GRIP1: variants seen among roughly 807,000 people sequenced by gnomAD.
GRIP1 encodes glutamate receptor-interacting protein 1.
GRIP1 carries 45 observed loss-of-function variants against 129.9 expected under a neutral mutation model. That is an observed-to-expected ratio of 0.35 (90% CI 0.27 to 0.44). The LOEUF (loss-of-function observed/expected upper bound fraction) is 0.44. Among genes scored for constraint, GRIP1 ranks in the 20% least tolerant of loss-of-function variants. GRIP1 has a pLI of 1.00. For synonymous variants in GRIP1, 530 were observed against 520.8 expected (o/e 1.02, Z -0.24); for missense variants, 1,196 against 1,396.8 (o/e 0.86, Z 2.29).
intron 2 of GRIP1, among the ~76,000 whole-genome samples, chr12:66,584,550 GAAAT>G (rs1274011626): frequency 1.3e-5 from 2 of 152,024 alleles, no homozygotes; most frequent in Non-Finnish European, 2.9e-5. Flanking sequence ...GCCAGCTGGG[GAAAT>G]AAATAAAATA....
intron 1 of GRIP1, among the ~76,000 whole-genome samples, chr12:66,785,787 A>C (rs1183090718): frequency 6.6e-6 from 1 of 152,154 alleles, no homozygotes; most frequent in Non-Finnish European, 1.5e-5. Context: ...AGTAACCTTT[A>C]AAAGGAAAGC....
Position 66,996,465 on chromosome 12 carries a change from C to G in GRIP1, c.58+72585G>C, listed in dbSNP as rs1350738494. 3.9e-5 allele frequency among the ~76,000 whole-genome samples: 6 copies of G among 152,182 alleles called. No individual in the cohort carries two copies. The East Asian group carries it at 1.2e-3, about 29-fold the overall frequency. ...AGCAGAACTGAGACACTCTGACTGT[C>G]TCCATTGCCTAAGGGCCTTGGAGTC... On this transcript the variant is annotated intron_variant, in intron 1 of 1. Coordinates refer to the GRIP1 transcript ENST00000643019.
intron 15 of GRIP1, among the ~76,000 whole-genome samples, chr12:66,414,097 G>C (rs1027103199): frequency 6.6e-6 from 1 of 152,002 alleles, no homozygotes; most frequent in South Asian, 2.1e-4. Flanking sequence ...GTTCTGACCA[G>C]GGCAATCAGG....
At chr12:66,651,899 T>C (rs576289793) in intron 1 of GRIP1, among the ~76,000 whole-genome samples, 24 of 152,268 alleles carry the variant, frequency 1.6e-4, no homozygotes, top group African/African-American at 5.3e-4. Context: ...CAGATCCATT[T>C]CCTACCATAA....
intron 1 of GRIP1, among the ~76,000 whole-genome samples, chr12:66,693,366 G>GC (rs2035043885): frequency 2.0e-5 from 3 of 152,100 alleles, no homozygotes; most frequent in Admixed American, 1.3e-4. Context: ...TTCACATTGG[G>GC]CCTGCATTCC....
rs74100506 is a variant in GRIP1, at chr12:66,572,703, G to A, written c.136+24144C>T. Reference sequence around the variant, plus strand: ...ATTTCCATTTGGTTTTCTTTGCTACGTGTCTACAGTCTCCACCCAGTAATG... The same window carrying A: ...ATTTCCATTTGGTTTTCTTTGCTACATGTCTACAGTCTCCACCCAGTAATG... On this transcript the variant is annotated intron_variant, in intron 2 of 24. Transcript: ENST00000359742. 9.9e-3 allele frequency among the ~76,000 whole-genome samples: 1,506 copies of A among 152,256 alleles called. 27 individuals carry two copies. Among genetic ancestry groups the A allele is most frequent in the African/African-American group, 0.033 (1,355 of 41,534 alleles).
chr12:66,565,976 C>T (rs2062741839), intron 2 of GRIP1, among the ~76,000 whole-genome samples: 1 of 152,116 alleles, frequency 6.6e-6, no homozygotes, highest in African/African-American at 2.4e-5. Flanking sequence ...GATTTTGTAT[C>T]CTGAGACTTT....
chr12:66,549,874 T>G (rs1421990589), intron 2 of GRIP1, among the ~76,000 whole-genome samples: 2 of 147,964 alleles, frequency 1.4e-5, no homozygotes, highest in South Asian at 4.1e-4. Flanking sequence ...AATATCTGTA[T>G]GTTTCCTATT....
chr12:67,001,168 T>C (rs1259824854), intron 1 of GRIP1, among the ~76,000 whole-genome samples: 2 of 152,208 alleles, frequency 1.3e-5, no homozygotes, highest in Non-Finnish European at 2.9e-5. Flanking sequence ...CTAGCTCTGG[T>C]CCTACCAGAT....
chr12:66,471,443 G>A (rs183196033), intron 7 of GRIP1, among the ~76,000 whole-genome samples: 1 of 152,310 alleles, frequency 6.6e-6, no homozygotes, highest in African/African-American at 2.4e-5. Flanking sequence ...TGATAAAAAT[G>A]TGCTGGAGTT....
In GRIP1 at chr12:66,545,135, A is replaced by T. The variant is rs148728125; in HGVS notation, c.137-3185T>A. 3.4e-3 allele frequency among the ~76,000 whole-genome samples: 516 copies of T among 152,258 alleles called. 4 individuals carry two copies. The highest frequency in any genetic ancestry group is 0.011 in the African/African-American group (462 of 41,554). On this transcript the variant is annotated intron_variant, in intron 2 of 24. Transcript: ENST00000359742. ...CTAGTGAGGAAGGAAATGGTTCTGAATTTGACTTTTTCCTTAATCACCATA... is the reference window on the plus strand; with the variant it reads ...CTAGTGAGGAAGGAAATGGTTCTGATTTTGACTTTTTCCTTAATCACCATA...
At chr12:66,872,428 C>T (rs1021460906) in intron 1 of GRIP1, among the ~76,000 whole-genome samples, 5 of 152,018 alleles carry the variant, frequency 3.3e-5, no homozygotes, top group African/African-American at 1.2e-4. Context: ...AATTCCAACC[C>T]TCCCTGACAA....
rs1405442842 is a variant in GRIP1, at chr12:66,583,540, T to C, written c.136+13307A>G. Among the ~76,000 whole-genome samples the C allele has an allele frequency of 3.7e-4, 47 of 128,144 alleles. 3 individuals are homozygous for C. The highest frequency in any genetic ancestry group is 1.2e-4 in the Non-Finnish European group (7 of 59,256). 84.1% of individuals were successfully genotyped at this position (128,144 alleles called of 152,430 possible). A position where few individuals can be genotyped will look rare whatever the true frequency, so the allele number is the denominator to read the frequency against. On this transcript the variant is annotated intron_variant, in intron 2 of 24. Coordinates refer to ENST00000359742, the MANE Select transcript of GRIP1 (RefSeq NM_001366722.1). ...AAGGGCTAATATCCAGAATCTACAATGAACTCAAACCAATTTACAAGAAAA... is the reference window on the plus strand; with the variant it reads ...AAGGGCTAATATCCAGAATCTACAACGAACTCAAACCAATTTACAAGAAAA...
chr12:66,419,395 G>A (rs569072159), intron 15 of GRIP1, among the ~76,000 whole-genome samples: 1 of 152,058 alleles, frequency 6.6e-6, no homozygotes, highest in South Asian at 2.1e-4. Flanking sequence ...GGCACAACAG[G>A]GTGACTATGG....
Position 66,616,859 on chromosome 12 carries a change from C to T in GRIP1, c.56-19932G>A, listed in dbSNP as rs936601155. Among the ~76,000 whole-genome samples, 9 of 152,238 alleles carry T rather than the reference C, an allele frequency of 5.9e-5. No homozygotes were observed. The South Asian group carries it at 6.2e-4, about 11-fold the overall frequency. On this transcript the variant is annotated intron_variant, in intron 1 of 24. Coordinates refer to ENST00000359742, the MANE Select transcript of GRIP1 (RefSeq NM_001366722.1). ...ACAGTGACTGTGGCTTAGCCCAGAA[C>T]AAGGACCACCTGCTGTGACCACAGC... is the stretch of plus-strand genomic sequence containing the variant.
chr12:66,869,374 C>A (rs1592916828), intron 1 of GRIP1, among the ~76,000 whole-genome samples: 1 of 151,968 alleles, frequency 6.6e-6, no homozygotes, highest in Admixed American at 6.6e-5. Context: ...ACATACCTTT[C>A]CAAGTGAATT....
At chr12:66,524,203 A>G (rs1463758924) in intron 5 of GRIP1, among the ~76,000 whole-genome samples, 1 of 152,160 alleles carries the variant, frequency 6.6e-6, no homozygotes, top group Admixed American at 6.5e-5. Context: ...AGAACTCTCC[A>G]CCCCAAATCA....
intron 1 of GRIP1, among the ~76,000 whole-genome samples, chr12:66,606,818 T>C (rs1371610101): frequency 3.9e-5 from 6 of 152,132 alleles, no homozygotes; most frequent in Non-Finnish European, 8.8e-5. Flanking sequence ...AACAATGTAA[T>C]TGCACAGGTA....
intron 16 of GRIP1, among the ~76,000 whole-genome samples, chr12:66,401,639 C>T (rs1402879365): frequency 1.4e-4 from 21 of 148,962 alleles, no homozygotes; most frequent in Non-Finnish European, 2.7e-4. Context: ...CACACACACA[C>T]ACACACACAC....
Sources: gnomAD v4.1 joint callset for allele counts (sites outside exome capture counted in the v4.1 genomes callset) on GRCh38, gnomAD v4.1.1 for gene constraint, MANE v1.5 for transcripts, NCBI Gene and HGNC (gene_info 2026-07-23, HGNC 2026-07-21) for gene names.